BRD3OS: variants seen among roughly 807,000 people sequenced by gnomAD.
BRD3OS encodes BRD3 opposite strand.
Position 134,031,544 on chromosome 9 carries a change from T to G in BRD3OS, c.*4542T>G, listed in dbSNP as rs919136082. ...ATGGAAACTTTCAAATCCATTTATA[T>G]TTTTATTATAAACAAAACTTAATTA... On this transcript the variant is annotated 3_prime_UTR_variant, in exon 3 of 3. Transcript: ENST00000603928. 15 of 202,490 alleles carry G rather than the reference T, an allele frequency of 7.4e-5. No homozygotes were observed. Among genetic ancestry groups the G allele is most frequent in the Non-Finnish European group, 1.3e-4 (13 of 98,708 alleles). The allele number at this position is 202,490 out of a possible 1,614,324, so 12.5% of individuals were successfully genotyped here.
Position 134,026,238 on chromosome 9 carries a change from C to G in BRD3OS, c.-510C>G, listed in dbSNP as rs1267122618. On this transcript the variant is annotated 5_prime_UTR_variant, in exon 3 of 3. Coordinates refer to ENST00000603928, the MANE Select transcript of BRD3OS (RefSeq NM_001355256.2). This position sits in a 1 kb window ranked among gnomAD's most constrained non-coding sequence, Gnocchi z 4.4. ...CCTTTGGGGAGAGACGAGACCTGAACAAACGCTGGGGCTGGATCCCCAGGG... is the reference window on the plus strand; with the variant it reads ...CCTTTGGGGAGAGACGAGACCTGAAGAAACGCTGGGGCTGGATCCCCAGGG... 1 of 152,562 alleles carries G rather than the reference C, an allele frequency of 6.6e-6. No homozygotes were observed. The highest frequency in any genetic ancestry group is 1.5e-5 in the Non-Finnish European group (1 of 68,270). The allele number at this position is 152,562 out of a possible 1,614,324, so 9.5% of individuals were successfully genotyped here. A position where few individuals can be genotyped will look rare whatever the true frequency, so the allele number is the denominator to read the frequency against.
chr9:134,029,027 G>T lies in BRD3OS; in HGVS notation c.*2025G>T, dbSNP rs1225789750. ...GGATTGCCGCATGGAGCTGCAGAGG[G>T]AGTGAGCATGGGGCTGGAGGACCTG... On this transcript the variant is annotated 3_prime_UTR_variant, in exon 3 of 3. Transcript: ENST00000603928. 2 of 152,272 alleles carry T rather than the reference G, an allele frequency of 1.3e-5. No individual in the cohort carries two copies. The highest frequency in any genetic ancestry group is 2.9e-5 in the Non-Finnish European group (2 of 68,074). 9.4% of individuals were successfully genotyped at this position (152,272 alleles called of 1,614,324 possible). A position where few individuals can be genotyped will look rare whatever the true frequency, so the allele number is the denominator to read the frequency against.
Position 134,027,071 on chromosome 9 carries a change from C to A in BRD3OS, c.*69C>A. On this transcript the variant is annotated 3_prime_UTR_variant, in exon 3 of 3. Transcript: ENST00000603928. ...ACAGACCTGAGTTTCATTCAGTTGTCTTGTTGATTTCCAATCCTTGCTGGA... is the reference window on the plus strand; with the variant it reads ...ACAGACCTGAGTTTCATTCAGTTGTATTGTTGATTTCCAATCCTTGCTGGA... 1 of 398,350 alleles carries A rather than the reference C, an allele frequency of 2.5e-6. No individual in the cohort carries two copies. The highest frequency in any genetic ancestry group is 1.3e-4 in the South Asian group (1 of 7,560). 24.7% of individuals were successfully genotyped at this position (398,350 alleles called of 1,614,324 possible).
rs747325198 is a variant in BRD3OS at position 134,028,915 on chromosome 9, G to C, written c.*1913G>C. The C allele has an allele frequency of 1.3e-5, 2 of 152,286 alleles. No individual in the cohort carries two copies. Among genetic ancestry groups the C allele is most frequent in the Non-Finnish European group, 2.9e-5 (2 of 68,056 alleles). 9.4% of individuals were successfully genotyped at this position (152,286 alleles called of 1,614,324 possible). ...TGTCCTGCCAGAGGCCTGGTCGGCA[G>C]CAGCCTCCTGCACAGCCCGAGTCCC... is the stretch of plus-strand genomic sequence containing the variant. On this transcript the variant is annotated 3_prime_UTR_variant, in exon 3 of 3. Transcript: ENST00000603928.
At position 134,026,017 on chromosome 9, in the gene BRD3OS, TC is replaced by T. The variant is rs1332437724; in HGVS notation, c.-611del. ...CCCAACAAGCAGCCTCCCCAGCACCTCCCAGTGACTGAAAAAGCTGGCACTG... is the reference window on the plus strand; with the variant it reads ...CCCAACAAGCAGCCTCCCCAGCACCTCCAGTGACTGAAAAAGCTGGCACTG... On this transcript the variant is annotated 5_prime_UTR_variant, in exon 2 of 3. It removes the in-frame stop codon of an upstream open reading frame in the 5' UTR. Coordinates refer to ENST00000603928, the MANE Select transcript of BRD3OS (RefSeq NM_001355256.2). The surrounding 1 kb of genome is among the most constrained non-coding windows in gnomAD (Gnocchi z 4.4). 2 of 152,184 alleles carry T rather than the reference TC, an allele frequency of 1.3e-5. No homozygotes were observed. Among genetic ancestry groups the T allele is most frequent in the African/African-American group, 4.8e-5 (2 of 41,354 alleles). The allele number at this position is 152,184 out of a possible 1,614,324, so 9.4% of individuals were successfully genotyped here. A position where few individuals can be genotyped will look rare whatever the true frequency, so the allele number is the denominator to read the frequency against.
In BRD3OS at chr9:134,026,204, G is replaced by A. The variant is rs1488707209; in HGVS notation, c.-540-4G>A. ...CTCCTGACAGCACGTTCGTTCCTTT[G>A]CAGCAGCACCTTTGGGGAGAGACGA... On this transcript the variant is annotated splice_region_variant and splice_polypyrimidine_tract_variant and intron_variant, in intron 2 of 2. Coordinates refer to ENST00000603928, the MANE Select transcript of BRD3OS (RefSeq NM_001355256.2). This position sits in a 1 kb window ranked among gnomAD's most constrained non-coding sequence, Gnocchi z 4.4. 6.6e-6 allele frequency: 1 copy of A among 152,510 alleles called. No individual in the cohort carries two copies. The highest frequency in any genetic ancestry group is 1.5e-5 in the Non-Finnish European group (1 of 68,270). 9.4% of individuals were successfully genotyped at this position (152,510 alleles called of 1,614,324 possible). A position where few individuals can be genotyped will look rare whatever the true frequency, so the allele number is the denominator to read the frequency against.
rs1335011843 is a variant in BRD3OS, at chr9:134,027,071, CTTG to C, written c.*73_*75del. 1 of 398,350 alleles carries C rather than the reference CTTG, an allele frequency of 2.5e-6. No individual in the cohort carries two copies. The highest frequency in any genetic ancestry group is 4.4e-6 in the Non-Finnish European group (1 of 225,994). The allele number at this position is 398,350 out of a possible 1,614,324, so 24.7% of individuals were successfully genotyped here. On this transcript the variant is annotated 3_prime_UTR_variant, in exon 3 of 3. Coordinates refer to ENST00000603928, the MANE Select transcript of BRD3OS (RefSeq NM_001355256.2). ...ACAGACCTGAGTTTCATTCAGTTGT[CTTG>C]TTGATTTCCAATCCTTGCTGGAAGA...
rs1385604181 is a variant in BRD3OS, at chr9:134,028,636, A to C, written c.*1634A>C. ...ACTGCCAATCTCAGGTGATCTGCCC[A>C]CCTCGGCCTCCCAAAGTACTGGGAT... On this transcript the variant is annotated 3_prime_UTR_variant, in exon 3 of 3. Coordinates refer to ENST00000603928, the MANE Select transcript of BRD3OS (RefSeq NM_001355256.2). 6.6e-6 allele frequency: 1 copy of C among 152,204 alleles called. No individual in the cohort carries two copies. Among genetic ancestry groups the C allele is most frequent in the Non-Finnish European group, 1.5e-5 (1 of 68,094 alleles). The allele number at this position is 152,204 out of a possible 1,614,324, so 9.4% of individuals were successfully genotyped here.
rs2132363793 is a variant in BRD3OS, at chr9:134,030,522, T to C, written c.*3520T>C. The C allele has an allele frequency of 4.8e-6, 1 of 208,990 alleles. No homozygotes were observed. The highest frequency in any genetic ancestry group is 2.3e-5 in the African/African-American group (1 of 43,940). 12.9% of individuals were successfully genotyped at this position (208,990 alleles called of 1,614,324 possible). ...ATATACTAGAAACGGCACTAAAAAG[T>C]TTAAGAAAAGTTACGGTAAACTTGC... On this transcript the variant is annotated 3_prime_UTR_variant, in exon 3 of 3. Coordinates refer to ENST00000603928, the MANE Select transcript of BRD3OS (RefSeq NM_001355256.2).
chr9:134,028,989 A>C lies in BRD3OS; in HGVS notation c.*1987A>C, dbSNP rs140873109. The C allele has an allele frequency of 6.6e-6, 1 of 152,380 alleles. No individual in the cohort carries two copies. Among genetic ancestry groups the C allele is most frequent in the African/African-American group, 2.4e-5 (1 of 41,586 alleles). 9.4% of individuals were successfully genotyped at this position (152,380 alleles called of 1,614,324 possible). On this transcript the variant is annotated 3_prime_UTR_variant, in exon 3 of 3. Coordinates refer to ENST00000603928, the MANE Select transcript of BRD3OS (RefSeq NM_001355256.2). ...TGCAGCCTGCAGCTGGGAGATTTGA[A>C]GTCAGACTTCCAGGATTGCCGCATG...
In BRD3OS at chr9:134,031,018, A is replaced by G; in HGVS notation, c.*4016A>G. On this transcript the variant is annotated 3_prime_UTR_variant, in exon 3 of 3. Coordinates refer to ENST00000603928, the MANE Select transcript of BRD3OS (RefSeq NM_001355256.2). ...GACTGTCACCCTCAGCCCGCCAGCA[A>G]GGGCGCTGAGGAAGTCATTAATCCT... 4.3e-6 allele frequency: 1 copy of G among 230,768 alleles called. No individual in the cohort carries two copies. The highest frequency in any genetic ancestry group is 8.6e-6 in the Non-Finnish European group (1 of 116,466). The allele number at this position is 230,768 out of a possible 1,614,324, so 14.3% of individuals were successfully genotyped here.
intron 1 of BRD3OS, 122 bp downstream of exon 1, chr9:134,025,658 A>T (rs1235373289): frequency 6.6e-6 from 1 of 152,040 alleles, no homozygotes; most frequent in South Asian, 2.1e-4. Context: ...GGGCCACGCG[A>T]CGGGGACCCC....
chr9:134,031,302 C>T lies in BRD3OS; in HGVS notation c.*4300C>T, dbSNP rs1329241435. Reference sequence around the variant, plus strand: ...GCTCACACAGGCAGCACCTCACTGCCCTGTGGCTGGAGGGGCATTGCAAGG... The same window carrying T: ...GCTCACACAGGCAGCACCTCACTGCTCTGTGGCTGGAGGGGCATTGCAAGG... On this transcript the variant is annotated 3_prime_UTR_variant, in exon 3 of 3. Transcript: ENST00000603928. 1.0e-4 allele frequency: 21 copies of T among 209,658 alleles called. No individual in the cohort carries two copies. In the Admixed American group the frequency reaches 1.2e-3, roughly 12 times the overall value. 13.0% of individuals were successfully genotyped at this position (209,658 alleles called of 1,614,324 possible).
At position 134,026,933 on chromosome 9, in the gene BRD3OS, G is replaced by A. The variant is rs1239296100; in HGVS notation, c.186G>A (p.Leu62=). ...CACAGTATGGAAATGAGGCCATCTTGGTCCGAGACAAAAACAAGCTCGAGG... is the reference window on the plus strand; with the variant it reads ...CACAGTATGGAAATGAGGCCATCTTAGTCCGAGACAAAAACAAGCTCGAGG... ...WYSQYGNEAI[L]VRDKNKLEVS... Residue 62 remains leucine (L), a synonymous_variant, in exon 3 of 3, where the codon TTG becomes TTA. Coordinates refer to ENST00000603928, the MANE Select transcript of BRD3OS (RefSeq NM_001355256.2). This position sits in a 1 kb window ranked among gnomAD's most constrained non-coding sequence, Gnocchi z 4.4. The A allele has an allele frequency of 2.5e-5, 10 of 398,782 alleles. No individual in the cohort carries two copies. Among genetic ancestry groups the A allele is most frequent in the Non-Finnish European group, 3.5e-5 (8 of 226,080 alleles). 24.7% of individuals were successfully genotyped at this position (398,782 alleles called of 1,614,324 possible). A position where few individuals can be genotyped will look rare whatever the true frequency, so the allele number is the denominator to read the frequency against.
At position 134,026,795 on chromosome 9, in the gene BRD3OS, C is replaced by G. The variant is rs1034502054; in HGVS notation, c.48C>G (p.Tyr16Ter). 2 of 398,766 alleles carry G rather than the reference C, an allele frequency of 5.0e-6. No individual in the cohort carries two copies. Among genetic ancestry groups the G allele is most frequent in the African/African-American group, 4.1e-5 (2 of 48,606 alleles). 24.7% of individuals were successfully genotyped at this position (398,766 alleles called of 1,614,324 possible). Residue 16 changes from tyrosine (Y) to a stop codon, truncating the protein, a stop_gained, in exon 3 of 3, where the codon TAC (tyrosine) becomes TAG (stop). Coordinates refer to ENST00000603928, the MANE Select transcript of BRD3OS (RefSeq NM_001355256.2). LOFTEE classifies it high-confidence loss of function. The surrounding 1 kb of genome is among the most constrained non-coding windows in gnomAD (Gnocchi z 4.4). ...PLAEKALSEG[Y>*]ARLRYRDTSL... ...CAGAGAAGGCCTTGTCTGAAGGCTA[C>G]GCCCGCCTCCGGTACAGGGACACCT...
chr9:134,026,607 G>A lies in BRD3OS; in HGVS notation c.-141G>A. ...CTCCTGAGGACGTTGCCTGCAAATG[G>A]GCGGAATTCCTAATTTCTACCATTC... On this transcript the variant is annotated 5_prime_UTR_variant, in exon 3 of 3. Coordinates refer to ENST00000603928, the MANE Select transcript of BRD3OS (RefSeq NM_001355256.2). The surrounding 1 kb of genome is among the most constrained non-coding windows in gnomAD (Gnocchi z 4.4). The A allele has an allele frequency of 2.5e-6, 1 of 395,316 alleles. No homozygotes were observed. The highest frequency in any genetic ancestry group is 3.6e-5 in the East Asian group (1 of 27,940). The allele number at this position is 395,316 out of a possible 1,614,324, so 24.5% of individuals were successfully genotyped here.
rs1843494446 is a variant in BRD3OS, at chr9:134,030,362, G to T, written c.*3360G>T. ...TGAAAACAAAACAAATGCCCCAGGA[G>T]AAGGGTCCATGATTACCAGAAACAT... On this transcript the variant is annotated 3_prime_UTR_variant, in exon 3 of 3. Coordinates refer to ENST00000603928, the MANE Select transcript of BRD3OS (RefSeq NM_001355256.2). 6.3e-6 allele frequency: 1 copy of T among 157,704 alleles called. No homozygotes were observed. The highest frequency in any genetic ancestry group is 1.3e-5 in the Non-Finnish European group (1 of 77,090). 9.8% of individuals were successfully genotyped at this position (157,704 alleles called of 1,614,324 possible).
In BRD3OS at chr9:134,026,558, G is replaced by A. The variant is rs574764808; in HGVS notation, c.-190G>A. ...CAGGTGTCTTCAGAATGGTGAGGCC[G>A]CCTCATTTCCTCACCACACAACCCT... On this transcript the variant is annotated 5_prime_UTR_variant, in exon 3 of 3. Transcript: ENST00000603928. This position sits in a 1 kb window ranked among gnomAD's most constrained non-coding sequence, Gnocchi z 4.4. 3.0e-4 allele frequency: 116 copies of A among 380,544 alleles called. 1 individual carries two copies. The Admixed American group carries it at 5.1e-3, about 17-fold the overall frequency. The allele number at this position is 380,544 out of a possible 1,614,324, so 23.6% of individuals were successfully genotyped here.
At position 134,026,597 on chromosome 9, in the gene BRD3OS, C is replaced by T. The variant is rs1001932257; in HGVS notation, c.-151C>T. Reference sequence around the variant, plus strand: ...CCACACAACCCTCCTGAGGACGTTGCCTGCAAATGGGCGGAATTCCTAATT... The same window carrying T: ...CCACACAACCCTCCTGAGGACGTTGTCTGCAAATGGGCGGAATTCCTAATT... On this transcript the variant is annotated 5_prime_UTR_variant, in exon 3 of 3. Coordinates refer to ENST00000603928, the MANE Select transcript of BRD3OS (RefSeq NM_001355256.2). This position sits in a 1 kb window ranked among gnomAD's most constrained non-coding sequence, Gnocchi z 4.4. The T allele has an allele frequency of 1.0e-5, 4 of 393,584 alleles. No homozygotes were observed. The highest frequency in any genetic ancestry group is 1.8e-5 in the Non-Finnish European group (4 of 223,480). The allele number at this position is 393,584 out of a possible 1,614,324, so 24.4% of individuals were successfully genotyped here.
Sources: allele counts gnomAD v4.1 joint callset, GRCh38; gene constraint gnomAD v4.1.1; non-coding constraint Gnocchi (gnomAD v3.1); transcripts MANE v1.5; gene names NCBI Gene and HGNC (gene_info 2026-07-23, HGNC 2026-07-21).